Variants in PPP1R13B observed in about 807,000 individuals in gnomAD.
PPP1R13B encodes apoptosis-stimulating of p53 protein 1.
In PPP1R13B, 44 loss-of-function variants were observed where a neutral mutation model predicts 119.8. The observed-to-expected ratio is 0.37, with a 90% CI of 0.29 to 0.47. PPP1R13B has a LOEUF of 0.47. Ranked by LOEUF, PPP1R13B falls within the 20% of genes least tolerant of loss-of-function variation. The pLI is 0.99. For missense variants in PPP1R13B, 1,227 were observed against 1,413.5 expected, an observed-to-expected ratio of 0.87 and a Z score of 2.12; for synonymous variants, 542 against 561.5, an observed-to-expected ratio of 0.97 and a Z score of 0.49.
intron 4 of PPP1R13B, among the ~76,000 whole-genome samples, chr14:103,758,538 T>G (rs1434840405): frequency 6.6e-6 from 1 of 152,234 alleles, no homozygotes. Context: ...CCACGTGCAC[T>G]GTGTACTGTG....
At chr14:103,819,609 T>C (rs965130305) in intron 1 of PPP1R13B, among the ~76,000 whole-genome samples, 1 of 151,552 alleles carries the variant, frequency 6.6e-6, no homozygotes, top group Non-Finnish European at 1.5e-5. Flanking sequence ...CTAGAGGTAA[T>C]GCAAAATAGA....
intron 1 of PPP1R13B, among the ~76,000 whole-genome samples, chr14:103,815,709 C>T (rs2086262029): frequency 2.0e-5 from 3 of 151,764 alleles, no homozygotes; most frequent in Admixed American, 1.3e-4. Context: ...GAGCCAAGAT[C>T]GCACCACTGC....
rs1175241466 is a variant in PPP1R13B at position 103,738,297 on chromosome 14, A to C, written c.2864+382T>G. The C allele has an allele frequency of 1.7e-5, 5 of 290,194 alleles. No individual in the cohort carries two copies. Among genetic ancestry groups the C allele is most frequent in the Non-Finnish European group, 3.2e-5 (5 of 154,258 alleles). The allele number at this position is 290,194 out of a possible 1,614,324, so 18.0% of individuals were successfully genotyped here. A position where few individuals can be genotyped will look rare whatever the true frequency, so the allele number is the denominator to read the frequency against. Reference sequence around the variant, plus strand: ...AGCAGAGCTCCCGAAGGCAAACGGAATGAACAATGCGACAACCTACATGCC... The same window carrying C: ...AGCAGAGCTCCCGAAGGCAAACGGACTGAACAATGCGACAACCTACATGCC... On this transcript the variant is annotated intron_variant, in intron 14 of 16. Transcript: ENST00000202556. This position sits in a 1 kb window ranked among gnomAD's most constrained non-coding sequence, Gnocchi z 5.6.
rs183298120 is a variant in PPP1R13B at position 103,842,472 on chromosome 14, T to A, written c.9+4827A>T. On this transcript the variant is annotated intron_variant, in intron 1 of 16. Coordinates refer to ENST00000202556, the MANE Select transcript of PPP1R13B (RefSeq NM_015316.3). ...CACCCTCCATCACACCTGGCTAATT[T>A]TTGTATTTTTAGTAGAGATGGGGTT... Among the ~76,000 whole-genome samples the A allele has an allele frequency of 3.3e-3, 500 of 151,834 alleles. 2 individuals are homozygous for A. The highest frequency in any genetic ancestry group is 0.011 in the African/African-American group (472 of 41,394).
At chr14:103,781,210 A>G (rs2085327929) in intron 3 of PPP1R13B, among the ~76,000 whole-genome samples, 1 of 152,224 alleles carries the variant, frequency 6.6e-6, no homozygotes, top group South Asian at 2.1e-4. Context: ...TTAAGTATAG[A>G]TAAGTGAGGG....
intron 2 of PPP1R13B, among the ~76,000 whole-genome samples, chr14:103,791,082 T>A (rs190927770): frequency 3.2e-4 from 48 of 152,074 alleles, no homozygotes; most frequent in African/African-American, 1.1e-3. Context: ...ATCCTGCCAT[T>A]CATAGAAATA....
At chr14:103,749,384 G>A (rs949152747) in intron 8 of PPP1R13B, among the ~76,000 whole-genome samples, 2 of 152,094 alleles carry the variant, frequency 1.3e-5, no homozygotes, top group Non-Finnish European at 2.9e-5. Flanking sequence ...AACAACTCAC[G>A]GGGCAGGTAG....
At chr14:103,844,766 A>G (rs2086990966) in intron 1 of PPP1R13B, among the ~76,000 whole-genome samples, 1 of 152,122 alleles carries the variant, frequency 6.6e-6, no homozygotes, top group East Asian at 1.9e-4. Context: ...GACATTATAT[A>G]CTAATTGCCA....
At chr14:103,818,998 G>A (rs2086341731) in intron 1 of PPP1R13B, among the ~76,000 whole-genome samples, 1 of 152,174 alleles carries the variant, frequency 6.6e-6, no homozygotes, top group Non-Finnish European at 1.5e-5. Flanking sequence ...TTCTAAGTTG[G>A]AAGGGGAACA....
At chr14:103,787,757 C>G (rs2085507398) in intron 2 of PPP1R13B, among the ~76,000 whole-genome samples, 1 of 151,266 alleles carries the variant, frequency 6.6e-6, no homozygotes, top group South Asian at 2.1e-4. Context: ...GGTTTTACGC[C>G]ATTCTCCTGC....
rs1234370023 is a variant in PPP1R13B, at chr14:103,740,190, G to A, written c.2226C>T (p.Phe742=). ...TLAGGMEGTP[F]YQPSPSQDFM... ...AGTCCTGGGAGGGGCTGGGCTGGTAGAAAGGGGTGCCCTCCATGCCACCGG... is the reference window on the plus strand; with the variant it reads ...AGTCCTGGGAGGGGCTGGGCTGGTAAAAAGGGGTGCCCTCCATGCCACCGG... Residue 742 remains phenylalanine, a synonymous_variant, in exon 12 of 17, where the codon TTC becomes TTT. Transcript: ENST00000202556. This position sits in a 1 kb window ranked among gnomAD's most constrained non-coding sequence, Gnocchi z 4.6. 2.5e-6 allele frequency: 4 copies of A among 1,613,894 alleles called. No individual in the cohort carries two copies. The highest frequency in any genetic ancestry group is 3.4e-6 in the Non-Finnish European group (4 of 1,180,026).
chr14:103,816,610 G>A lies in PPP1R13B; in HGVS notation c.10-19092C>T, dbSNP rs182017995. On this transcript the variant is annotated intron_variant, in intron 1 of 16. Transcript: ENST00000202556. ...TGAGGCAGGAGAATCGCTTGTACCC[G>A]GGAGGTGGAGGTTGCACCACTGCAC... 1.4e-3 allele frequency among the ~76,000 whole-genome samples: 216 copies of A among 150,860 alleles called. 1 individual carries two copies. In the East Asian group the frequency reaches 0.032, roughly 22 times the overall value.
chr14:103,806,043 T>C (rs951257303), intron 1 of PPP1R13B, among the ~76,000 whole-genome samples: 2 of 152,224 alleles, frequency 1.3e-5, no homozygotes, highest in African/African-American at 4.8e-5. Context: ...ACAATGAAGC[T>C]GTTTTTAAAA....
chr14:103,747,051 G>C (rs1318712346), intron 8 of PPP1R13B: 1 of 152,590 alleles, frequency 6.6e-6, no homozygotes, highest in East Asian at 1.9e-4. Context: ...GTAAGGCTCT[G>C]ACTCCCAGCA....
rs1209322636 is a variant in PPP1R13B, at chr14:103,747,960, G to A, written c.970-1407C>T. Among the ~76,000 whole-genome samples, 3 of 152,082 alleles carry A rather than the reference G, an allele frequency of 2.0e-5. No homozygotes were observed. In the East Asian group the frequency reaches 5.8e-4, roughly 29 times the overall value. On this transcript the variant is annotated intron_variant, in intron 8 of 16. Coordinates refer to ENST00000202556, the MANE Select transcript of PPP1R13B (RefSeq NM_015316.3). Reference sequence around the variant, plus strand: ...GGATCCTGCCTAGAGTTGGCCTTCGGACTCCAGCTGCAACATCCTCCCTGG... The same window carrying A: ...GGATCCTGCCTAGAGTTGGCCTTCGAACTCCAGCTGCAACATCCTCCCTGG...
chr14:103,733,268 CTG>C lies in PPP1R13B; in HGVS notation c.*1884_*1885del, dbSNP rs1220220266. ...AATACTTAATTGGGGGTGGGAGAGA[CTG>C]AGCTACACTACTGCTAAACTATTTT... On this transcript the variant is annotated 3_prime_UTR_variant, in exon 17 of 17. Coordinates refer to ENST00000202556, the MANE Select transcript of PPP1R13B (RefSeq NM_015316.3). The C allele has an allele frequency of 2.0e-6, 1 of 504,590 alleles. No individual in the cohort carries two copies. Among genetic ancestry groups the C allele is most frequent in the Non-Finnish European group, 3.5e-6 (1 of 283,424 alleles). The allele number at this position is 504,590 out of a possible 1,614,324, so 31.3% of individuals were successfully genotyped here.
At chr14:103,832,109 A>T (rs1361501406) in intron 1 of PPP1R13B, among the ~76,000 whole-genome samples, 1 of 132,502 alleles carries the variant, frequency 7.5e-6, no homozygotes, top group Non-Finnish European at 1.6e-5. Context: ...CCTATCTCTT[A>T]AAAAAAAAAA....
chr14:103,770,162 G>C (rs773759032), intron 4 of PPP1R13B, among the ~76,000 whole-genome samples: 1 of 151,702 alleles, frequency 6.6e-6, no homozygotes, highest in East Asian at 1.9e-4. Flanking sequence ...CAAAGTGCTG[G>C]GTTTACAGGT....
At chr14:103,845,373 A>G (rs184695637) in intron 1 of PPP1R13B, among the ~76,000 whole-genome samples, 1 of 152,264 alleles carries the variant, frequency 6.6e-6, no homozygotes, top group Non-Finnish European at 1.5e-5. Context: ...AGGAAATACA[A>G]AAGTAAAAGC....
Sources: gnomAD v4.1 joint callset for allele counts (sites outside exome capture counted in the v4.1 genomes callset) on GRCh38, gnomAD v4.1.1 for gene constraint, Gnocchi (gnomAD v3.1) non-coding constraint, MANE v1.5 for transcripts, NCBI Gene and HGNC (gene_info 2026-07-23, HGNC 2026-07-21) for gene names.